The following ZFHX3 variants were observed in gnomAD, a reference collection of about 807,000 sequenced individuals.
ZFHX3 encodes the protein zinc finger homeobox protein 3.
ZFHX3 carries 42 observed loss-of-function variants against 279.1 expected under a neutral mutation model. The ratio of observed to expected loss-of-function variants is 0.15; its 90% confidence interval spans 0.12 to 0.19. The LOEUF (loss-of-function observed/expected upper bound fraction) is 0.19, where lower values mean the gene tolerates loss of function less well. Ranked by LOEUF, ZFHX3 falls within the 10% of genes least tolerant of loss-of-function variation. ZFHX3 has a pLI of 1.00. For missense variants in ZFHX3, 4,981 were observed against 4,754.0 expected, an observed-to-expected ratio of 1.05 and a Z score of -1.40; for synonymous variants, 2,293 against 1,957.8, an observed-to-expected ratio of 1.17 and a Z score of -4.52.
intron 2 of ZFHX3, among the ~76,000 whole-genome samples, chr16:73,619,304 C>T (rs1389301385): frequency 6.6e-6 from 1 of 151,436 alleles, no homozygotes; most frequent in Non-Finnish European, 1.5e-5. Flanking sequence ...CTGGCTAACA[C>T]GGTGAAATCC....
At chr16:73,483,737 C>T (rs1359497423) in intron 2 of ZFHX3, among the ~76,000 whole-genome samples, 1 of 152,078 alleles carries the variant, frequency 6.6e-6, no homozygotes, top group African/African-American at 2.4e-5. Context: ...CACAGTTTCG[C>T]TATTGTGGAT....
At chr16:73,435,875 A>G (rs1192299061) in intron 3 of ZFHX3, among the ~76,000 whole-genome samples, 1 of 152,158 alleles carries the variant, frequency 6.6e-6, no homozygotes, top group Non-Finnish European at 1.5e-5. Context: ...GCAGACCTCA[A>G]GGGCATCCTG....
intron 4 of ZFHX3, among the ~76,000 whole-genome samples, chr16:73,299,257 T>C (rs893511227): frequency 2.0e-5 from 3 of 152,136 alleles, no homozygotes; most frequent in African/African-American, 7.2e-5. Context: ...CATCCGAACA[T>C]TGCTGTTCAG....
At chr16:73,188,236 C>T (rs907572254) in intron 5 of ZFHX3, among the ~76,000 whole-genome samples, 7 of 151,978 alleles carry the variant, frequency 4.6e-5, no homozygotes, top group African/African-American at 1.7e-4. Context: ...GCTCTGTCAC[C>T]CAGGCTGGAG....
At chr16:72,851,122 C>A (rs1450596667) in intron 4 of ZFHX3, among the ~76,000 whole-genome samples, 1 of 152,126 alleles carries the variant, frequency 6.6e-6, no homozygotes, top group Non-Finnish European at 1.5e-5. Context: ...AACGTCATCA[C>A]TTCCATGTTC....
chr16:73,208,211 TATA>T (rs765721415), intron 5 of ZFHX3, among the ~76,000 whole-genome samples: 8 of 152,136 alleles, frequency 5.3e-5, no homozygotes, highest in Non-Finnish European at 1.0e-4. Context: ...GTATAAGCAA[TATA>T]ATAACAGTGG....
At chr16:73,412,326 CAAAAAAAAAAA>C (rs60447973) in intron 3 of ZFHX3, among the ~76,000 whole-genome samples, 1 of 117,438 alleles carries the variant, frequency 8.5e-6, no homozygotes, top group East Asian at 2.7e-4. Flanking sequence ...GAGACTGTTT[CAAAAAAAAAAA>C]AAAAAAAAAA....
intron 3 of ZFHX3, among the ~76,000 whole-genome samples, chr16:73,359,905 AT>A (rs35461704): frequency 0.49 from 74,091 of 151,222 alleles, 20,712 homozygotes; most frequent in Non-Finnish European, 0.63. Context: ...GTTAGATGGG[AT>A]TTTTTTTTTA....
chr16:73,109,873 A>G (rs1056830903), intron 7 of ZFHX3, among the ~76,000 whole-genome samples: 31 of 151,896 alleles, frequency 2.0e-4, no homozygotes, highest in Non-Finnish European at 2.9e-5. Context: ...AACAAAAACA[A>G]AAACAAAAAA....
At chr16:73,671,177 G>A (rs78663510) in intron 2 of ZFHX3, among the ~76,000 whole-genome samples, 1,927 of 152,344 alleles carry the variant, frequency 0.013, 28 homozygotes, top group Middle Eastern at 0.041. Flanking sequence ...AGATTTCCAA[G>A]ACTTCTGGGG....
At chr16:73,779,400 G>A (rs1042887324) in intron 1 of ZFHX3, among the ~76,000 whole-genome samples, 16 of 138,204 alleles carry the variant, frequency 1.2e-4, no homozygotes, top group African/African-American at 4.4e-4. Flanking sequence ...TGAAGAAAGA[G>A]GAGGAGGAGG....
At chr16:73,621,072 G>C (rs563050534) in intron 2 of ZFHX3, among the ~76,000 whole-genome samples, 2 of 152,194 alleles carry the variant, frequency 1.3e-5, no homozygotes, top group Non-Finnish European at 2.9e-5. Flanking sequence ...AATTTTAGTG[G>C]TCTAGCACCA....
chr16:73,773,863 T>G (rs948916432), intron 1 of ZFHX3, among the ~76,000 whole-genome samples: 1 of 152,140 alleles, frequency 6.6e-6, no homozygotes, highest in African/African-American at 2.4e-5. Context: ...AGAGGCCAGA[T>G]GCAGTGGCTC....
In ZFHX3 at chr16:73,673,738, C is replaced by A. The variant is rs146964991; in HGVS notation, c.-1547+6442G>T. On this transcript the variant is annotated intron_variant, in intron 2 of 17. Coordinates refer to the ZFHX3 transcript ENST00000641206. Reference sequence around the variant, plus strand: ...TTGAAGTGCTGAGCTGGACTTGGGGCAGAACAGGGATAACAGCAGGGCAGG... The same window carrying A: ...TTGAAGTGCTGAGCTGGACTTGGGGAAGAACAGGGATAACAGCAGGGCAGG... Among the ~76,000 whole-genome samples, 230 of 152,230 alleles carry A rather than the reference C, an allele frequency of 1.5e-3. 1 individual carries two copies. The highest frequency in any genetic ancestry group is 5.3e-3 in the African/African-American group (221 of 41,550).
intron 3 of ZFHX3, among the ~76,000 whole-genome samples, chr16:73,347,848 C>G (rs1191520263): frequency 2.0e-5 from 3 of 152,236 alleles, no homozygotes; most frequent in Non-Finnish European, 4.4e-5. Flanking sequence ...GTCCTGAACA[C>G]TATAAAACTC....
chr16:73,094,906 C>T (rs1966140287), intron 7 of ZFHX3, among the ~76,000 whole-genome samples: 1 of 151,984 alleles, frequency 6.6e-6, no homozygotes, highest in South Asian at 2.1e-4. Flanking sequence ...ATAGGGTTTT[C>T]CTCATGTTAG....
chr16:73,201,068 T>C lies in ZFHX3; in HGVS notation c.-1104+55979A>G, dbSNP rs548809488. Among the ~76,000 whole-genome samples, 47 of 152,328 alleles carry C rather than the reference T, an allele frequency of 3.1e-4. 1 individual carries two copies. The Middle Eastern group carries it at 0.017, about 55-fold the overall frequency. On this transcript the variant is annotated intron_variant, in intron 5 of 17. Transcript: ENST00000641206. The stretch of plus-strand genomic sequence containing the variant: ...CATTTGGTTTGGGCAGGGCAGACCC[T>C]ACTCCCTGGCTCTAGGTTGATCCAA...
At chr16:73,705,867 A>G (rs1032077034) in intron 1 of ZFHX3, among the ~76,000 whole-genome samples, 7 of 152,106 alleles carry the variant, frequency 4.6e-5, no homozygotes, top group African/African-American at 1.7e-4. Flanking sequence ...TCAGCCTCAG[A>G]TAGGTTCCTC....
chr16:73,270,752 G>A (rs2014121008), intron 4 of ZFHX3, among the ~76,000 whole-genome samples: 1 of 152,244 alleles, frequency 6.6e-6, no homozygotes, highest in South Asian at 2.1e-4. Flanking sequence ...GGATGCCCTG[G>A]ACCAGAGGCG....
Sources: gnomAD v4.1 joint callset for allele counts (sites outside exome capture counted in the v4.1 genomes callset) on GRCh38, gnomAD v4.1.1 for gene constraint, MANE v1.5 for transcripts, NCBI Gene and HGNC (gene_info 2026-07-23, HGNC 2026-07-21) for gene names.